Variants in RUSC2 observed in about 807,000 individuals in gnomAD.
RUSC2 encodes RUN and SH3 domain containing 2, also known as AP-4 complex accessory subunit RUSC2.
A neutral mutation model predicts 122.2 loss-of-function variants in RUSC2; 34 were observed. The ratio of observed to expected loss-of-function variants is 0.28; its 90% CI spans 0.21 to 0.37. The LOEUF (loss-of-function observed/expected upper bound fraction) is 0.37, where lower values mean the gene tolerates loss of function less well. RUSC2 is among the 10% of genes least tolerant of loss of function. The pLI, the probability that RUSC2 is intolerant of heterozygous loss-of-function variation, is 1.00. For synonymous variants in RUSC2, 784 were observed against 790.0 expected, an observed-to-expected ratio of 0.99 and a Z score of 0.13; for missense variants, 1,747 against 1,952.4, an observed-to-expected ratio of 0.89 and a Z score of 1.98.
At chr9:35,512,802 A>G (rs566386269) in intron 1 of RUSC2, among the ~76,000 whole-genome samples, 1 of 152,190 alleles carries the variant, frequency 6.6e-6, no homozygotes, top group Non-Finnish European at 1.5e-5. Flanking sequence ...ACACCTGGGT[A>G]TGAAACTCAG....
rs778332334 is a variant in RUSC2 at position 35,556,105 on chromosome 9, G to A, written c.2810G>A (p.Ser937Asn). 1.2e-6 allele frequency: 2 copies of A among 1,614,198 alleles called. No homozygotes were observed. The highest frequency in any genetic ancestry group is 2.2e-5 in the South Asian group (2 of 91,084). Reference sequence around the variant, plus strand: ...ATCTTTGAGTTCCCTGGCTCCCTCAGTGCTGCCAGCCATCTGAACTGCCGG... The same window carrying A: ...ATCTTTGAGTTCCCTGGCTCCCTCAATGCTGCCAGCCATCTGAACTGCCGG... ...NPIFEFPGSL[S>N]AASHLNCRLN... Residue 937 changes from serine (S) to asparagine (N), a missense_variant, in exon 4 of 12, where the codon AGT becomes AAT. Physicochemically the swap from Ser to Asn is conservative, Grantham distance 46. Transcript: ENST00000361226.
rs772576606 is a variant in RUSC2, at chr9:35,560,298, G to A, written c.3658G>A (p.Val1220Met). ...RARGQEGPGD[V>M]DRAAQGERVK... ...CCGGGGCCAGGAGGGCCCTGGAGACGTGGACAGGGCAGCCCAAGGGGAGCG... is the reference window on the plus strand; with the variant it reads ...CCGGGGCCAGGAGGGCCCTGGAGACATGGACAGGGCAGCCCAAGGGGAGCG... The change falls in exon 10 of 12, where the codon GTG becomes ATG. Residue 1220 changes from valine to methionine, a missense_variant. Transcript: ENST00000361226. 20 of 1,597,372 alleles carry A rather than the reference G, an allele frequency of 1.3e-5. No homozygotes were observed. The highest frequency in any genetic ancestry group is 1.5e-5 in the Non-Finnish European group (18 of 1,171,178).
chr9:35,551,128 A>T (rs1392040458), intron 2 of RUSC2, among the ~76,000 whole-genome samples: 2 of 152,142 alleles, frequency 1.3e-5, no homozygotes, highest in African/African-American at 4.8e-5. Flanking sequence ...GAGAAAGTTT[A>T]AAAAAAGTTT....
At chr9:35,552,016 T>C (rs1821909940) in intron 2 of RUSC2, among the ~76,000 whole-genome samples, 1 of 149,952 alleles carries the variant, frequency 6.7e-6, no homozygotes, top group South Asian at 2.1e-4. Flanking sequence ...TGAGCTATGA[T>C]TGCACCACTG....
chr9:35,494,463 C>G (rs1820634090), intron 1 of RUSC2, among the ~76,000 whole-genome samples: 1 of 152,086 alleles, frequency 6.6e-6, no homozygotes, highest in African/African-American at 2.4e-5. Flanking sequence ...AACTCCATCT[C>G]AAAATAATAA....
chr9:35,526,098 G>T (rs971997524), intron 1 of RUSC2, among the ~76,000 whole-genome samples: 1 of 152,126 alleles, frequency 6.6e-6, no homozygotes, highest in Non-Finnish European at 1.5e-5. Context: ...CCACTGTTCA[G>T]ATCTATAGTA....
chr9:35,513,831 G>A (rs1001303563), intron 1 of RUSC2, among the ~76,000 whole-genome samples: 1 of 145,894 alleles, frequency 6.9e-6, no homozygotes, highest in Non-Finnish European at 1.5e-5. Context: ...GGGCAACATA[G>A]CAAGACCCTG....
intron 1 of RUSC2, among the ~76,000 whole-genome samples, chr9:35,492,720 A>C (rs746298699): frequency 6.6e-6 from 1 of 152,148 alleles, no homozygotes; most frequent in Non-Finnish European, 1.5e-5. Flanking sequence ...AATAATTCTT[A>C]AGTGGCATTA....
Position 35,555,310 on chromosome 9 carries a change from C to G in RUSC2, c.2265C>G (p.Pro755=). The change falls in exon 3 of 12, where the codon CCC becomes CCG. Residue 755 remains proline (P), a synonymous_variant. Coordinates refer to ENST00000361226, the MANE Select transcript of RUSC2 (RefSeq NM_014806.5). The surrounding 1 kb of genome is among the most constrained non-coding windows in gnomAD (Gnocchi z 4.6). ...CAGGGGAACCGCAGGCATCCACTCC[C>G]CGAGCCACTGGCAGAGGTGCCAGGA... The part of the protein sequence containing the change: ...APSGEPQAST[P]RATGRGARKA... 6.2e-7 allele frequency: 1 copy of G among 1,614,092 alleles called. No individual in the cohort carries two copies. The highest frequency in any genetic ancestry group is 8.5e-7 in the Non-Finnish European group (1 of 1,180,026).
chr9:35,509,883 C>T (rs1269506118), intron 1 of RUSC2, among the ~76,000 whole-genome samples: 1 of 152,142 alleles, frequency 6.6e-6, no homozygotes, highest in African/African-American at 2.4e-5. Context: ...TAAAATGAAA[C>T]AGAGGCTGAG....
At chr9:35,502,510 G>T (rs1026542520) in intron 1 of RUSC2, among the ~76,000 whole-genome samples, 5 of 152,118 alleles carry the variant, frequency 3.3e-5, no homozygotes, top group African/African-American at 9.7e-5. Context: ...TTAAACTGAA[G>T]TTCCTTTTTA....
intron 1 of RUSC2, among the ~76,000 whole-genome samples, chr9:35,522,683 T>G (rs2132519191): frequency 6.6e-6 from 1 of 152,364 alleles, no homozygotes; most frequent in East Asian, 1.9e-4. Flanking sequence ...TGATATTAAT[T>G]GATAGCCTCA....
At chr9:35,526,019 T>G (rs573309595) in intron 1 of RUSC2, among the ~76,000 whole-genome samples, 2 of 152,310 alleles carry the variant, frequency 1.3e-5, no homozygotes, top group East Asian at 3.9e-4. Context: ...TCCTAGCATT[T>G]TAACAGTGCT....
intron 1 of RUSC2, among the ~76,000 whole-genome samples, chr9:35,545,393 A>C (rs1433950878): frequency 1.3e-5 from 2 of 152,236 alleles, no homozygotes; most frequent in African/African-American, 4.8e-5. Context: ...GAAACACAGG[A>C]GACTAGAACT....
Position 35,517,252 on chromosome 9 carries a change from G to A in RUSC2, c.-93+27080G>A, listed in dbSNP as rs149906027. On this transcript the variant is annotated intron_variant, in intron 1 of 11. Coordinates refer to ENST00000361226, the MANE Select transcript of RUSC2 (RefSeq NM_014806.5). Reference sequence around the variant, plus strand: ...AAAAGTAGGTGTCACCATCAACAAAGAATAGATTTCTAGTTCTCTTCGGGA... The same window carrying A: ...AAAAGTAGGTGTCACCATCAACAAAAAATAGATTTCTAGTTCTCTTCGGGA... Among the ~76,000 whole-genome samples the A allele has an allele frequency of 8.1e-3, 1,231 of 152,330 alleles. 5 individuals carry two copies. The highest frequency in any genetic ancestry group is 0.034 in the Middle Eastern group (10 of 294).
At chr9:35,536,272 T>C (rs1037962587) in intron 1 of RUSC2, among the ~76,000 whole-genome samples, 14 of 152,246 alleles carry the variant, frequency 9.2e-5, no homozygotes, top group Non-Finnish European at 5.9e-5. Flanking sequence ...TGGAAGTTGT[T>C]TTCTTGTCTG....
intron 1 of RUSC2, among the ~76,000 whole-genome samples, chr9:35,513,289 C>T (rs1247478253): frequency 6.6e-6 from 1 of 152,086 alleles, no homozygotes; most frequent in Non-Finnish European, 1.5e-5. Context: ...ATTTTCCAGG[C>T]TGGAGTACAA....
intron 1 of RUSC2, among the ~76,000 whole-genome samples, chr9:35,543,107 G>C (rs937096982): frequency 6.6e-6 from 1 of 152,094 alleles, no homozygotes; most frequent in African/African-American, 2.4e-5. Context: ...AGTTATGTAT[G>C]AAAGGAGAAA....
chr9:35,515,167 T>C (rs1253068854), intron 1 of RUSC2, among the ~76,000 whole-genome samples: 2 of 152,202 alleles, frequency 1.3e-5, no homozygotes, highest in Non-Finnish European at 1.5e-5. Context: ...GATACACATA[T>C]ACCACTGTTG....
Sources: gnomAD v4.1 joint callset for allele counts (sites outside exome capture counted in the v4.1 genomes callset) on GRCh38, gnomAD v4.1.1 for gene constraint, Gnocchi (gnomAD v3.1) non-coding constraint, MANE v1.5 for transcripts, NCBI Gene and HGNC (gene_info 2026-07-23, HGNC 2026-07-21) for gene names.